GFPT1: variants seen among roughly 807,000 people sequenced by gnomAD.
GFPT1 encodes the protein glutamine--fructose-6-phosphate transaminase 1.
A neutral mutation model predicts 92.0 loss-of-function variants in GFPT1; 40 were observed. The observed-to-expected ratio is 0.43, with a 90% CI of 0.34 to 0.57. The LOEUF (loss-of-function observed/expected upper bound fraction) is 0.57, where lower values mean the gene tolerates loss of function less well. Ranked by LOEUF, GFPT1 falls within the 20% of genes least tolerant of loss-of-function variation. GFPT1 has a pLI of 0.02. For synonymous variants in GFPT1, 269 were observed against 280.6 expected, an observed-to-expected ratio of 0.96 and a Z score of 0.41; for missense variants, 448 against 869.1, an observed-to-expected ratio of 0.52 and a Z score of 6.09.
chr2:69,354,281 C>T lies in GFPT1; in HGVS notation c.717G>A (p.Arg239=), dbSNP rs755864577. ...ARTQIGSKFT[R]WGSQGERGKD... is the part of the protein sequence containing the mutation. ...CACCTCTTTCTCCCTGTGATCCCCA[C>T]CGTGTGAATTTTGATCCAATCTGAG... Residue 239 remains arginine (R), a synonymous_variant, in exon 9 of 20, where the codon CGG becomes CGA. Transcript: ENST00000357308. 1.3e-6 allele frequency: 2 copies of T among 1,592,116 alleles called. No individual in the cohort carries two copies. The highest frequency in any genetic ancestry group is 1.7e-6 in the Non-Finnish European group (2 of 1,176,022).
rs1670604520 is a variant in GFPT1 at position 69,329,336 on chromosome 2, T to C, written c.1686A>G (p.Gly562=). Residue 562 remains glycine (G), a synonymous_variant, in exon 17 of 20, where the codon GGA becomes GGG. Transcript: ENST00000357308. ...GACAAGTAGCATAATGATAGCCTCG[T>C]CCCATTATCAGAACTGACTTCTGAT... The part of the protein sequence containing the change: ...LYHQKSVLIM[G]RGYHYATCLE... 2.5e-6 allele frequency: 4 copies of C among 1,613,648 alleles called. No homozygotes were observed. Among genetic ancestry groups the C allele is most frequent in the African/African-American group, 1.3e-5 (1 of 75,056 alleles).
At position 69,338,039 on chromosome 2, in the gene GFPT1, A is replaced by C; in HGVS notation, c.1341T>G (p.Thr447=). ...CCTTACAGTAACGAAGACCCATCAA[A>C]GTATCTGCTGTCTCACCTGTGTAAA... ...FLSQSGETAD[T]LMGLRYCKER... The change falls in exon 15 of 20, where the codon ACT becomes ACG. Residue 447 remains threonine, a synonymous_variant. Coordinates refer to ENST00000357308, the MANE Select transcript of GFPT1 (RefSeq NM_001244710.2). 1 of 1,614,148 alleles carries C rather than the reference A, an allele frequency of 6.2e-7. No homozygotes were observed. The highest frequency in any genetic ancestry group is 1.1e-5 in the South Asian group (1 of 91,090).
intron 2 of GFPT1, among the ~76,000 whole-genome samples, chr2:69,370,629 G>A (rs925666710): frequency 6.6e-6 from 1 of 150,674 alleles, no homozygotes; most frequent in Non-Finnish European, 1.5e-5. Flanking sequence ...AGAACTGGAG[G>A]GAGAGAAACG....
intron 13 of GFPT1, among the ~76,000 whole-genome samples, chr2:69,340,290 G>T (rs1210598980): frequency 6.6e-6 from 1 of 151,718 alleles, no homozygotes; most frequent in East Asian, 1.9e-4. Context: ...AGCTTCCGAG[G>T]AGCTGGAACT....
At chr2:69,342,124 CA>C in intron 13 of GFPT1, 27 bp downstream of exon 13, 1 of 1,216,058 alleles carries the variant, frequency 8.2e-7, no homozygotes, top group Non-Finnish European at 1.2e-6. Flanking sequence ...TAATATTCAA[CA>C]TAATTAAAAT....
At chr2:69,370,639 G>A (rs956135775) in intron 2 of GFPT1, among the ~76,000 whole-genome samples, 5 of 152,028 alleles carry the variant, frequency 3.3e-5, no homozygotes, top group Non-Finnish European at 7.4e-5. Flanking sequence ...GGAGAGAAAC[G>A]GAAGGAAGAA....
intron 3 of GFPT1, among the ~76,000 whole-genome samples, chr2:69,367,446 C>T (rs1240960607): frequency 6.6e-6 from 1 of 152,072 alleles, no homozygotes; most frequent in South Asian, 2.1e-4. Flanking sequence ...CTGCAACCTC[C>T]GCCTCCTGGA....
At chr2:69,374,770 A>C (rs1050395730) in intron 1 of GFPT1, among the ~76,000 whole-genome samples, 1 of 152,230 alleles carries the variant, frequency 6.6e-6, no homozygotes, top group Non-Finnish European at 1.5e-5. Context: ...TTTAAGCAAC[A>C]TATATAGGCC....
intron 1 of GFPT1, among the ~76,000 whole-genome samples, chr2:69,381,249 C>T (rs1010888147): frequency 3.9e-5 from 6 of 152,192 alleles, no homozygotes; most frequent in African/African-American, 1.4e-4. Flanking sequence ...TCCCAAAGTG[C>T]TGGGATTATA....
At chr2:69,327,960 G>A (rs1022226673) in intron 18 of GFPT1, among the ~76,000 whole-genome samples, 5 of 151,950 alleles carry the variant, frequency 3.3e-5, no homozygotes, top group African/African-American at 7.3e-5. Flanking sequence ...TTAGCCAGGC[G>A]TGGTGGAGTG....
chr2:69,342,382 A>G, intron 12 of GFPT1, 133 bp from the exon 13 acceptor site: 1 of 686,906 alleles, frequency 1.5e-6, no homozygotes, highest in Non-Finnish European at 2.6e-6. Context: ...CCTCTTGGAA[A>G]GCACAGTTCT....
chr2:69,357,209 C>G (rs567605353), intron 6 of GFPT1, among the ~76,000 whole-genome samples: 6 of 152,094 alleles, frequency 3.9e-5, no homozygotes, highest in Non-Finnish European at 8.8e-5. Flanking sequence ...ATCAGAGGAA[C>G]GACAGAATTA....
At chr2:69,356,382 A>G (rs1052794174) in intron 7 of GFPT1, 114 bp downstream of exon 7, 2 of 798,514 alleles carry the variant, frequency 2.5e-6, no homozygotes, top group Admixed American at 1.8e-5. Flanking sequence ...TCACATGAAT[A>G]TATCTAATAA....
intron 5 of GFPT1, 118 bp from the exon 6 acceptor site, chr2:69,358,581 T>C (rs943364841): frequency 2.7e-6 from 2 of 730,880 alleles, no homozygotes; most frequent in Non-Finnish European, 4.6e-6. Context: ...GAACACCATA[T>C]CCCATTATTC....
In GFPT1 at chr2:69,329,559, C is replaced by G. The variant is rs72905158; in HGVS notation, c.1597+125G>C. The G allele has an allele frequency of 4.2e-6, 4 of 941,710 alleles. No homozygotes were observed. In the South Asian group the frequency reaches 5.4e-5, roughly 13 times the overall value. The allele number at this position is 941,710 out of a possible 1,614,324, so 58.3% of individuals were successfully genotyped here. A position where few individuals can be genotyped will look rare whatever the true frequency, so the allele number is the denominator to read the frequency against. Reference sequence around the variant, plus strand: ...CAGTATGGGTATTTTTTTAATACATCGGAGCAAACGTAGAAAGATCTTATT... The same window carrying G: ...CAGTATGGGTATTTTTTTAATACATGGGAGCAAACGTAGAAAGATCTTATT... On this transcript the variant is annotated intron_variant, in intron 16 of 19. Transcript: ENST00000357308.
intron 13 of GFPT1, among the ~76,000 whole-genome samples, chr2:69,340,762 C>T (rs983424379): frequency 6.6e-6 from 1 of 152,076 alleles, no homozygotes; most frequent in African/African-American, 2.4e-5. Context: ...TTGTTTACTA[C>T]AGTAGTCTTG....
At chr2:69,334,262 C>T (rs1670741509) in intron 15 of GFPT1, among the ~76,000 whole-genome samples, 1 of 152,148 alleles carries the variant, frequency 6.6e-6, no homozygotes, top group East Asian at 1.9e-4. Flanking sequence ...TAACCCAAAA[C>T]TTATTGTAAG....
At chr2:69,337,814 T>G in intron 15 of GFPT1, 84 bp downstream of exon 15, 1 of 1,101,878 alleles carries the variant, frequency 9.1e-7, no homozygotes, top group South Asian at 1.2e-5. Flanking sequence ...CTAACAAAAA[T>G]AAGATACAGA....
At chr2:69,348,704 G>T (rs926682191) in intron 10 of GFPT1, among the ~76,000 whole-genome samples, 2 of 152,080 alleles carry the variant, frequency 1.3e-5, no homozygotes, top group African/African-American at 4.8e-5. Flanking sequence ...GACTACTGCA[G>T]CGATCTCCCA....
Sources: gnomAD v4.1 joint callset for allele counts (sites outside exome capture counted in the v4.1 genomes callset) on GRCh38, gnomAD v4.1.1 for gene constraint, MANE v1.5 for transcripts, NCBI Gene and HGNC (gene_info 2026-07-23, HGNC 2026-07-21) for gene names.